The following EDIL3 variants were observed in gnomAD, a reference collection of about 807,000 sequenced individuals.
The protein encoded by EDIL3 is EGF-like repeat and discoidin I-like domain-containing protein 3.
In EDIL3, 37 loss-of-function variants were observed where a neutral mutation model predicts 67.4. The ratio of observed to expected loss-of-function variants is 0.55; its 90% CI spans 0.42 to 0.72. EDIL3 has a LOEUF of 0.72. Ranked by LOEUF, EDIL3 falls within the 30% of genes least tolerant of loss-of-function variation. EDIL3 has a pLI of 0.00. For missense variants in EDIL3, 527 were observed against 586.3 expected (o/e 0.90, Z 1.04); for synonymous variants, 195 against 196.3 (o/e 0.99, Z 0.05).
At chr5:84,379,658 C>T (rs1366112024) in intron 1 of EDIL3, among the ~76,000 whole-genome samples, 1 of 152,044 alleles carries the variant, frequency 6.6e-6, no homozygotes, top group Non-Finnish European at 1.5e-5. Context: ...TTGGAAGGTA[C>T]TTAGAAGACT....
intron 4 of EDIL3, among the ~76,000 whole-genome samples, chr5:84,179,601 A>T (rs1441507173): frequency 6.6e-6 from 1 of 152,180 alleles, no homozygotes; most frequent in Non-Finnish European, 1.5e-5. Flanking sequence ...CCATCAATAC[A>T]GTAATCATGG....
intron 4 of EDIL3, among the ~76,000 whole-genome samples, chr5:84,161,873 C>T (rs1288177791): frequency 4.6e-5 from 7 of 152,104 alleles, no homozygotes; most frequent in African/African-American, 1.7e-4. Flanking sequence ...ACCTATCTTT[C>T]TAACAATGTG....
At chr5:83,984,616 G>C (rs1745028051) in intron 9 of EDIL3, among the ~76,000 whole-genome samples, 1 of 152,074 alleles carries the variant, frequency 6.6e-6, no homozygotes, top group Admixed American at 6.6e-5. Flanking sequence ...CCACTGTCTA[G>C]GACTCTGGGA....
chr5:84,177,644 TTAA>T (rs1748944428), intron 4 of EDIL3, among the ~76,000 whole-genome samples: 1 of 152,132 alleles, frequency 6.6e-6, no homozygotes. Flanking sequence ...ATGAGATATG[TTAA>T]TAAGAGAAAT....
intron 1 of EDIL3, among the ~76,000 whole-genome samples, chr5:84,354,444 G>A (rs183716022): frequency 7.8e-4 from 119 of 152,176 alleles, no homozygotes; most frequent in African/African-American, 2.6e-3. Flanking sequence ...ATCTCTTGAG[G>A]TCAGGAGTTC....
At chr5:84,190,705 A>G (rs1743568956) in intron 3 of EDIL3, among the ~76,000 whole-genome samples, 1 of 151,658 alleles carries the variant, frequency 6.6e-6, no homozygotes, top group South Asian at 2.1e-4. Flanking sequence ...TTCTTCATCA[A>G]TCTTTCTCTG....
chr5:83,956,184 C>T (rs138366188), intron 10 of EDIL3, among the ~76,000 whole-genome samples: 2 of 151,906 alleles, frequency 1.3e-5, no homozygotes, highest in African/African-American at 4.8e-5. Flanking sequence ...ATAAGCCGCA[C>T]CTCCTGTTGT....
intron 1 of EDIL3, among the ~76,000 whole-genome samples, chr5:84,291,767 T>G (rs924567953): frequency 8.8e-4 from 130 of 147,432 alleles, no homozygotes; most frequent in African/African-American, 3.1e-3. Context: ...TATCTATATA[T>G]CTATATATCA....
intron 9 of EDIL3, among the ~76,000 whole-genome samples, chr5:84,039,207 T>C (rs1561411543): frequency 6.6e-6 from 1 of 152,028 alleles, no homozygotes; most frequent in Non-Finnish European, 1.5e-5. Context: ...AGACAAAAGA[T>C]CCCAAATGTC....
chr5:84,294,754 G>T (rs1746008328), intron 1 of EDIL3, among the ~76,000 whole-genome samples: 1 of 152,144 alleles, frequency 6.6e-6, no homozygotes, highest in Non-Finnish European at 1.5e-5. Context: ...AGAACTTACT[G>T]AGTGTCAGGT....
rs551376204 is a variant in EDIL3 at position 84,302,455 on chromosome 5, C to T, written c.68-48243G>A. On this transcript the variant is annotated intron_variant, in intron 1 of 10. Transcript: ENST00000296591. ...GGGACTACAGGCGCCTGACACCACACCCAGCTAATTTTTTGTATTTTTAGT... is the reference window on the plus strand; with the variant it reads ...GGGACTACAGGCGCCTGACACCACATCCAGCTAATTTTTTGTATTTTTAGT... Among the ~76,000 whole-genome samples the T allele has an allele frequency of 3.3e-5, 5 of 152,152 alleles. No homozygotes were observed. In the East Asian group the frequency reaches 9.7e-4, roughly 30 times the overall value.
At chr5:84,258,034 G>A (rs538244985) in intron 1 of EDIL3, among the ~76,000 whole-genome samples, 3 of 152,230 alleles carry the variant, frequency 2.0e-5, no homozygotes, top group Non-Finnish European at 4.4e-5. Context: ...ATGCAACTGT[G>A]TTGGGTGGAC....
intron 1 of EDIL3, among the ~76,000 whole-genome samples, chr5:84,284,484 TCA>T (rs1745770839): frequency 6.6e-6 from 1 of 152,066 alleles, no homozygotes; most frequent in African/African-American, 2.4e-5. Context: ...CCTGACTTTA[TCA>T]CCAGCACCTA....
chr5:84,006,307 T>C (rs1580275731), intron 9 of EDIL3, among the ~76,000 whole-genome samples: 1 of 151,908 alleles, frequency 6.6e-6, no homozygotes. Flanking sequence ...GAAACTTCCA[T>C]GACATTCTTC....
At chr5:84,206,087 T>C (rs1231022569) in intron 3 of EDIL3, among the ~76,000 whole-genome samples, 2 of 151,070 alleles carry the variant, frequency 1.3e-5, no homozygotes, top group South Asian at 2.1e-4. Context: ...GCTTTGAATG[T>C]GTCCCAGAGA....
chr5:83,969,762 AT>A (rs1474682749), intron 9 of EDIL3, among the ~76,000 whole-genome samples: 1 of 151,866 alleles, frequency 6.6e-6, no homozygotes, highest in Non-Finnish European at 1.5e-5. Flanking sequence ...AATACATTTT[AT>A]TTTTTAAAAA....
intron 9 of EDIL3, among the ~76,000 whole-genome samples, chr5:84,022,225 G>A (rs570634888): frequency 6.6e-6 from 1 of 151,974 alleles, no homozygotes; most frequent in East Asian, 1.9e-4. Flanking sequence ...ATAACCAATT[G>A]AGATTTATAC....
chr5:84,199,551 G>T (rs1289210190), intron 3 of EDIL3, among the ~76,000 whole-genome samples: 1 of 152,002 alleles, frequency 6.6e-6, no homozygotes, highest in Non-Finnish European at 1.5e-5. Flanking sequence ...TAGAGACCAG[G>T]ATAGAGCACA....
chr5:84,065,348 A>G (rs1746618486), intron 7 of EDIL3, among the ~76,000 whole-genome samples: 1 of 152,178 alleles, frequency 6.6e-6, no homozygotes, highest in Non-Finnish European at 1.5e-5. Context: ...ATGTACTTGG[A>G]TAATAGAATT....
Sources: allele counts gnomAD v4.1 joint callset (sites outside exome capture counted in the v4.1 genomes callset), GRCh38; gene constraint gnomAD v4.1.1; transcripts MANE v1.5; gene names NCBI Gene and HGNC (gene_info 2026-07-23, HGNC 2026-07-21).